Variants in CCSER1 observed in about 807,000 individuals in gnomAD.
CCSER1 encodes the protein serine-rich coiled-coil domain-containing protein 1.
CCSER1 carries 41 observed loss-of-function variants against 82.0 expected under a neutral mutation model. That is an observed-to-expected ratio of 0.50 (90% confidence interval 0.39 to 0.65). The LOEUF (loss-of-function observed/expected upper bound fraction) is 0.65. Among genes scored for constraint, CCSER1 ranks in the 30% least tolerant of loss-of-function variants. The pLI, the probability that CCSER1 is intolerant of heterozygous loss-of-function variation, is 0.00. For missense variants in CCSER1, 1,119 were observed against 1,064.2 expected, an observed-to-expected ratio of 1.05 and a Z score of -0.72; for synonymous variants, 414 against 383.9, an observed-to-expected ratio of 1.08 and a Z score of -0.92.
At chr4:90,402,121 C>T (rs1386062338) in intron 4 of CCSER1, among the ~76,000 whole-genome samples, 1 of 152,078 alleles carries the variant, frequency 6.6e-6, no homozygotes, top group Non-Finnish European at 1.5e-5. Context: ...TGTTAAATGT[C>T]ATAAAAAGAT....
chr4:91,102,461 ATAAG>A (rs1725167792), intron 10 of CCSER1, among the ~76,000 whole-genome samples: 1 of 152,178 alleles, frequency 6.6e-6, no homozygotes, highest in Non-Finnish European at 1.5e-5. Context: ...TAATCTGGAT[ATAAG>A]TAAGATTTTG....
chr4:90,961,578 G>A (rs11735166), intron 9 of CCSER1, among the ~76,000 whole-genome samples: 4,295 of 152,124 alleles, frequency 0.028, 168 homozygotes, highest in African/African-American at 0.088. Context: ...CATTCATAAA[G>A]TACTGACACC....
At chr4:91,466,898 G>A (rs1756945249) in intron 10 of CCSER1, among the ~76,000 whole-genome samples, 1 of 152,014 alleles carries the variant, frequency 6.6e-6, no homozygotes, top group Admixed American at 6.6e-5. Context: ...ATGGAGAGGA[G>A]GAATCAATAT....
chr4:90,909,805 A>G (rs1208886031), intron 8 of CCSER1, among the ~76,000 whole-genome samples: 1 of 152,234 alleles, frequency 6.6e-6, no homozygotes, highest in Non-Finnish European at 1.5e-5. Context: ...ATAATCCATT[A>G]TTAGTGAAAC....
At chr4:91,059,878 T>C (rs1028617210) in intron 9 of CCSER1, among the ~76,000 whole-genome samples, 20 of 152,074 alleles carry the variant, frequency 1.3e-4, no homozygotes, top group African/African-American at 4.8e-4. Context: ...TTCCAGCCTC[T>C]AAAAATCTCC....
At chr4:91,349,031 C>T (rs1748269853) in intron 10 of CCSER1, among the ~76,000 whole-genome samples, 1 of 152,142 alleles carries the variant, frequency 6.6e-6, no homozygotes, top group South Asian at 2.1e-4. Flanking sequence ...GCCTCAGCCT[C>T]CCAAGTAGGT....
intron 10 of CCSER1, among the ~76,000 whole-genome samples, chr4:91,188,346 C>T (rs540237172): frequency 1.3e-5 from 2 of 152,140 alleles, no homozygotes; most frequent in South Asian, 2.1e-4. Context: ...GATGTTACGG[C>T]GTTTTAATTT....
intron 5 of CCSER1, among the ~76,000 whole-genome samples, chr4:90,592,740 G>T (rs533836642): frequency 6.6e-6 from 1 of 151,988 alleles, no homozygotes; most frequent in African/African-American, 2.4e-5. Flanking sequence ...GGAATTTAAA[G>T]TTCCCAGACA....
chr4:90,909,463 C>G (rs1010859807), intron 8 of CCSER1, among the ~76,000 whole-genome samples: 13 of 151,964 alleles, frequency 8.6e-5, no homozygotes, highest in Non-Finnish European at 1.5e-4. Context: ...GGGGTGGAGG[C>G]AGTAGATATA....
intron 4 of CCSER1, among the ~76,000 whole-genome samples, chr4:90,425,372 T>C (rs976307629): frequency 2.6e-5 from 4 of 152,164 alleles, no homozygotes; most frequent in Non-Finnish European, 5.9e-5. Flanking sequence ...TTGTTATCTC[T>C]TCTGGACTTT....
At chr4:91,153,339 A>C (rs1218141134) in intron 10 of CCSER1, among the ~76,000 whole-genome samples, 1 of 151,742 alleles carries the variant, frequency 6.6e-6, no homozygotes. Context: ...CGTAGTTCTC[A>C]TGCCATGGTT....
chr4:90,250,534 G>A lies in CCSER1; in HGVS notation c.-41-57710G>A, dbSNP rs1722205389. On this transcript the variant is annotated intron_variant, in intron 1 of 10. Transcript: ENST00000509176. ...AAAATCACCTGACCAAAAATATAAG[G>A]GCTATCTGTACTCTTGGTTCTGTTC... Among the ~76,000 whole-genome samples, 2 of 151,904 alleles carry A rather than the reference G, an allele frequency of 1.3e-5. 1 individual carries two copies. The highest frequency in any genetic ancestry group is 4.2e-4 in the South Asian group (2 of 4,812).
intron 10 of CCSER1, among the ~76,000 whole-genome samples, chr4:91,172,076 A>T (rs1051304539): frequency 6.6e-6 from 1 of 152,112 alleles, no homozygotes; most frequent in East Asian, 1.9e-4. Flanking sequence ...ATAAAAGCCC[A>T]TTGATATAAA....
At chr4:90,489,492 A>C (rs1336074815) in intron 5 of CCSER1, among the ~76,000 whole-genome samples, 1 of 151,856 alleles carries the variant, frequency 6.6e-6, no homozygotes, top group African/African-American at 2.4e-5. Flanking sequence ...AATTATTAAT[A>C]GGTAGTACGT....
At chr4:90,485,026 G>C (rs1766774346) in intron 5 of CCSER1, among the ~76,000 whole-genome samples, 2 of 152,218 alleles carry the variant, frequency 1.3e-5, no homozygotes, top group Non-Finnish European at 2.9e-5. Context: ...GCTCCATCCA[G>C]TTCGAGCTTC....
chr4:90,604,255 C>G (rs1784359087), intron 5 of CCSER1, among the ~76,000 whole-genome samples: 1 of 152,112 alleles, frequency 6.6e-6, no homozygotes, highest in Non-Finnish European at 1.5e-5. Context: ...GAAATCTTCC[C>G]TTCTTGGTAA....
chr4:91,227,378 T>C (rs1397205936), intron 10 of CCSER1, among the ~76,000 whole-genome samples: 1 of 151,894 alleles, frequency 6.6e-6, no homozygotes, highest in Non-Finnish European at 1.5e-5. Flanking sequence ...TTGGCTGGAA[T>C]CTACACATTG....
chr4:90,671,300 T>G (rs1344024054), intron 6 of CCSER1, among the ~76,000 whole-genome samples: 2 of 152,054 alleles, frequency 1.3e-5, no homozygotes, highest in African/African-American at 2.4e-5. Context: ...TGGTAGCATT[T>G]TACCCAGAGT....
At chr4:91,408,674 C>A (rs1004443141) in intron 10 of CCSER1, among the ~76,000 whole-genome samples, 1 of 152,176 alleles carries the variant, frequency 6.6e-6, no homozygotes, top group Non-Finnish European at 1.5e-5. Context: ...CAGTAATTTT[C>A]ATGACCTGTC....
Sources: gnomAD v4.1 joint callset for allele counts (sites outside exome capture counted in the v4.1 genomes callset) on GRCh38, gnomAD v4.1.1 for gene constraint, MANE v1.5 for transcripts, NCBI Gene and HGNC (gene_info 2026-07-23, HGNC 2026-07-21) for gene names.